Variants in CELF4 observed in about 807,000 individuals in gnomAD.
CELF4 encodes the protein CUG-BP- and ETR-3-like factor 4.
A neutral mutation model predicts 59.9 loss-of-function variants in CELF4; 18 were observed. The ratio of observed to expected loss-of-function variants is 0.30; its 90% CI spans 0.21 to 0.45. CELF4 has a LOEUF of 0.45. Ranked by LOEUF, CELF4 falls within the 20% of genes least tolerant of loss-of-function variation. The pLI, the probability that CELF4 is intolerant of heterozygous loss-of-function variation, is 1.00. For missense variants in CELF4, 456 were observed against 689.0 expected, an observed-to-expected ratio of 0.66 and a Z score of 3.79; for synonymous variants, 261 against 267.1, an observed-to-expected ratio of 0.98 and a Z score of 0.22.
chr18:37,365,416 G>A (rs749556823), intron 2 of CELF4, among the ~76,000 whole-genome samples: 12 of 122,862 alleles, frequency 9.8e-5, no homozygotes, highest in Non-Finnish European at 2.0e-4. Flanking sequence ...GCCAAGGGCT[G>A]GGGTGGGACC....
intron 2 of CELF4, among the ~76,000 whole-genome samples, chr18:37,442,722 T>C (rs2099736124): frequency 6.6e-6 from 1 of 152,190 alleles, no homozygotes; most frequent in Non-Finnish European, 1.5e-5. Context: ...GCTCGGCCGC[T>C]GGTAGCACAG....
intron 2 of CELF4, among the ~76,000 whole-genome samples, chr18:37,413,016 G>C (rs1246666527): frequency 6.6e-6 from 1 of 152,178 alleles, no homozygotes; most frequent in Non-Finnish European, 1.5e-5. Context: ...TCCCCGCCCA[G>C]GCTGTGCACA....
chr18:37,353,233 A>AAAAAAAT (rs71168258), intron 2 of CELF4, among the ~76,000 whole-genome samples: 17 of 106,972 alleles, frequency 1.6e-4, no homozygotes, highest in East Asian at 5.6e-4. Flanking sequence ...AAAAAAAAAA[A>AAAAAAAT]ATATATATAT....
chr18:37,264,861 A>G, intron 9 of CELF4, 104 bp from the exon 10 acceptor site: 1 of 950,488 alleles, frequency 1.1e-6, no homozygotes, highest in Non-Finnish European at 1.6e-6. Flanking sequence ...GATCAGCCAA[A>G]AAGCGCCCTG....
chr18:37,405,142 C>T (rs1354715484), intron 2 of CELF4, among the ~76,000 whole-genome samples: 1 of 152,192 alleles, frequency 6.6e-6, no homozygotes, highest in African/African-American at 2.4e-5. Flanking sequence ...AGCTATTCCT[C>T]ATAGGACATG....
At chr18:37,371,057 C>T (rs2098861349) in intron 2 of CELF4, among the ~76,000 whole-genome samples, 1 of 152,056 alleles carries the variant, frequency 6.6e-6, no homozygotes, top group African/African-American at 2.4e-5. Flanking sequence ...TTCGCCTGTC[C>T]CTGCCTCTGT....
At chr18:37,525,504 C>T (rs963228769) in intron 1 of CELF4, among the ~76,000 whole-genome samples, 9 of 150,350 alleles carry the variant, frequency 6.0e-5, no homozygotes, top group African/African-American at 2.0e-4. Context: ...GCTAGGTTTG[C>T]GCTGTAGGGT....
chr18:37,557,197 A>G (rs1045937512), intron 1 of CELF4, among the ~76,000 whole-genome samples: 1 of 152,238 alleles, frequency 6.6e-6, no homozygotes, highest in African/African-American at 2.4e-5. Flanking sequence ...ATTTATGTGG[A>G]TGTGCACATA....
At position 37,275,108 on chromosome 18, in the gene CELF4, C is replaced by T. The variant is rs530158367; in HGVS notation, c.577+7G>A. The T allele has an allele frequency of 3.7e-6, 6 of 1,612,540 alleles. No individual in the cohort carries two copies. Among genetic ancestry groups the T allele is most frequent in the East Asian group, 2.2e-5 (1 of 44,844 alleles). Reference sequence around the variant, plus strand: ...CGGGGCATCCCTCCCGGCCCCGCCCCGCGCACCCTTGCTGTTGCCGTCGGG... The same window carrying T: ...CGGGGCATCCCTCCCGGCCCCGCCCTGCGCACCCTTGCTGTTGCCGTCGGG... On this transcript the variant is annotated splice_region_variant and intron_variant, in intron 4 of 12. Transcript: ENST00000420428.
Position 37,246,595 on chromosome 18 carries a change from GT to G in CELF4, c.*45-1399del, listed in dbSNP as rs1315413079. On this transcript the variant is annotated intron_variant, in intron 12 of 12. Transcript: ENST00000420428. This position sits in a 1 kb window ranked among gnomAD's most constrained non-coding sequence, Gnocchi z 5.3. ...ATTTTGTTTTTGTTTTTTTGTTTTT[GT>G]TTTTTTTCCCTTTGAAGTGAGATTG... Among the ~76,000 whole-genome samples the G allele has an allele frequency of 4.0e-5, 6 of 150,494 alleles. No homozygotes were observed. The highest frequency in any genetic ancestry group is 2.0e-4 in the Admixed American group (3 of 15,138).
chr18:37,264,405 C>T (rs2076406102), intron 10 of CELF4, among the ~76,000 whole-genome samples: 1 of 152,256 alleles, frequency 6.6e-6, no homozygotes. Flanking sequence ...CGTGTGGGAC[C>T]TGCCAGCCCT....
At chr18:37,494,841 G>A (rs1025679695) in intron 1 of CELF4, among the ~76,000 whole-genome samples, 5 of 152,112 alleles carry the variant, frequency 3.3e-5, no homozygotes, top group Non-Finnish European at 5.9e-5. Context: ...GAAGGGAGAG[G>A]TCCTCCCTCC....
At chr18:37,339,386 GT>G (rs2097906891) in intron 2 of CELF4, among the ~76,000 whole-genome samples, 1 of 152,232 alleles carries the variant, frequency 6.6e-6, no homozygotes, top group South Asian at 2.1e-4. Flanking sequence ...GGCTATGTGG[GT>G]CCATGCAGAT....
chr18:37,471,910 T>C, intron 2 of CELF4, among the ~76,000 whole-genome samples: 1 of 152,166 alleles, frequency 6.6e-6, no homozygotes, highest in East Asian at 1.9e-4. Flanking sequence ...TGAATGCATA[T>C]TCATTTCAGA....
chr18:37,523,982 A>G (rs1476892958), intron 1 of CELF4, among the ~76,000 whole-genome samples: 1 of 152,150 alleles, frequency 6.6e-6, no homozygotes. Flanking sequence ...CTCCCAGCAG[A>G]TGGTTCTGTG....
chr18:37,297,821 C>T (rs911300422), intron 3 of CELF4, among the ~76,000 whole-genome samples: 2 of 152,220 alleles, frequency 1.3e-5, no homozygotes, highest in African/African-American at 4.8e-5. Context: ...TTCTTTCGCT[C>T]GTTGTAATCT....
intron 3 of CELF4, among the ~76,000 whole-genome samples, chr18:37,308,777 G>A (rs4799442): frequency 6.6e-6 from 1 of 151,582 alleles, no homozygotes; most frequent in Non-Finnish European, 1.5e-5. Context: ...CCCCGATAAG[G>A]GTCCCGGCTG....
At chr18:37,443,736 G>T (rs2099739919) in intron 2 of CELF4, among the ~76,000 whole-genome samples, 1 of 152,120 alleles carries the variant, frequency 6.6e-6, no homozygotes, top group South Asian at 2.1e-4. Flanking sequence ...CTGTGTCGGG[G>T]CTGGGGGTGG....
chr18:37,253,914 G>C lies in CELF4; in HGVS notation c.1358C>G (p.Ala453Gly), dbSNP rs760309511. Residue 453 changes from alanine to glycine, a missense_variant, in exon 12 of 13, where the codon GCC (alanine) becomes GGC (glycine). By Grantham distance (60) the Ala-to-Gly change is moderately conservative. This residue lies in a region of CELF4 where 256 missense variants were observed against 340.8 expected (regional missense o/e 0.75). Transcript: ENST00000420428. This position sits in a 1 kb window ranked among gnomAD's most constrained non-coding sequence, Gnocchi z 4.5. ...PFGFVSFDNP[A>G]SAQTAIQAMN... ...GGCCTGGATGGCGGTCTGCGCGCTGGCCGGGTTGTCGAAGCTCACGAAGCC... is the reference window on the plus strand; with the variant it reads ...GGCCTGGATGGCGGTCTGCGCGCTGCCCGGGTTGTCGAAGCTCACGAAGCC... 1.6e-5 allele frequency: 26 copies of C among 1,607,054 alleles called. No individual in the cohort carries two copies. The highest frequency in any genetic ancestry group is 2.1e-5 in the Non-Finnish European group (25 of 1,177,174).
Sources: gnomAD v4.1 joint callset for allele counts (sites outside exome capture counted in the v4.1 genomes callset) on GRCh38, gnomAD v4.1.1 for gene constraint, gnomAD v4.1.1 regional missense constraint, Gnocchi (gnomAD v3.1) non-coding constraint, MANE v1.5 for transcripts, NCBI Gene and HGNC (gene_info 2026-07-23, HGNC 2026-07-21) for gene names.